The following PCSK5 variants were observed in gnomAD, a reference collection of about 807,000 sequenced individuals.
PCSK5 encodes the protein proprotein convertase subtilisin/kexin type 5.
In PCSK5, 129 loss-of-function variants were observed where a neutral mutation model predicts 233.2. The observed-to-expected ratio is 0.55, with a 90% confidence interval of 0.48 to 0.64. PCSK5 has a LOEUF of 0.64. Among genes scored for constraint, PCSK5 ranks in the 30% least tolerant of loss-of-function variants. The pLI is 0.00. For synonymous variants in PCSK5, 825 were observed against 879.2 expected (o/e 0.94, Z 1.09); for missense variants, 2,076 against 2,430.1 (o/e 0.85, Z 3.06).
At chr9:76,261,242 C>T (rs372324365) in intron 24 of PCSK5, among the ~76,000 whole-genome samples, 1 of 152,268 alleles carries the variant, frequency 6.6e-6, no homozygotes, top group Non-Finnish European at 1.5e-5. Context: ...CTTGAGTTTA[C>T]ACATGAGGAA....
intron 15 of PCSK5, among the ~76,000 whole-genome samples, 176 bp from the exon 16 acceptor site, chr9:76,181,222 C>T (rs1823857306): frequency 6.6e-6 from 1 of 152,138 alleles, no homozygotes; most frequent in African/African-American, 2.4e-5. Flanking sequence ...GCTACTTCAG[C>T]ACACTGTGCA....
chr9:76,105,871 A>G (rs1451389490), intron 8 of PCSK5, among the ~76,000 whole-genome samples: 2 of 152,236 alleles, frequency 1.3e-5, no homozygotes, highest in East Asian at 3.8e-4. Flanking sequence ...GTAAGAACTT[A>G]TGGTCTCATG....
chr9:75,903,242 A>T (rs1826118166), intron 1 of PCSK5, among the ~76,000 whole-genome samples: 1 of 152,186 alleles, frequency 6.6e-6, no homozygotes, highest in Non-Finnish European at 1.5e-5. Context: ...AAAATTATTT[A>T]TAGATTGCTC....
chr9:75,998,305 G>C (rs1334801643), intron 3 of PCSK5, among the ~76,000 whole-genome samples: 2 of 151,892 alleles, frequency 1.3e-5, no homozygotes, highest in Admixed American at 1.3e-4. Flanking sequence ...ACTGTGCTCT[G>C]TGTCCCAGGC....
chr9:76,357,162 A>G (rs577245039), intron 37 of PCSK5, among the ~76,000 whole-genome samples: 2 of 152,314 alleles, frequency 1.3e-5, no homozygotes, highest in Admixed American at 1.3e-4. Flanking sequence ...TGTTTTGGTT[A>G]CTCCATATTC....
At position 76,158,994 on chromosome 9, in the gene PCSK5, C is replaced by T. The variant is rs1408720941; in HGVS notation, c.1442C>T (p.Pro481Leu). 1 of 1,613,938 alleles carries T rather than the reference C, an allele frequency of 6.2e-7. No individual in the cohort carries two copies. Among genetic ancestry groups the T allele is most frequent in the Non-Finnish European group, 8.5e-7 (1 of 1,179,838 alleles). Residue 481 changes from proline (P) to leucine (L), a missense_variant, in exon 12 of 38, where the codon CCT becomes CTT. Pro to Leu is a moderately conservative substitution (Grantham distance 98). Around this residue, in one of 6 missense-constraint regions of PCSK5, gnomAD observed 64 missense variants for 68.6 expected, o/e 0.93. Transcript: ENST00000674117. The stretch of plus-strand genomic sequence containing the variant: ...TCTCTCTGTTACAGGACAATCCGCC[C>T]TAACAGTGCAGTGCGCTCCATCTAC... ...STDRQIKTIR[P>L]NSAVRSIYKA...
At chr9:75,991,145 T>G (rs1826751916) in intron 3 of PCSK5, among the ~76,000 whole-genome samples, 1 of 152,250 alleles carries the variant, frequency 6.6e-6, no homozygotes, top group East Asian at 1.9e-4. Flanking sequence ...CAGCCCAAAG[T>G]CACACCATTT....
chr9:75,963,676 C>T (rs530399082), intron 2 of PCSK5, among the ~76,000 whole-genome samples: 55 of 152,282 alleles, frequency 3.6e-4, no homozygotes, highest in African/African-American at 1.1e-3. Flanking sequence ...GTTAGGAGTT[C>T]GAGATCAGCC....
chr9:76,236,395 C>A (rs1199574137), intron 22 of PCSK5, among the ~76,000 whole-genome samples: 3 of 152,146 alleles, frequency 2.0e-5, no homozygotes, highest in African/African-American at 7.2e-5. Flanking sequence ...AAAAGCCAAT[C>A]CAAACTCTTG....
intron 14 of PCSK5, among the ~76,000 whole-genome samples, chr9:76,178,375 A>T (rs2131208373): frequency 6.6e-6 from 1 of 152,282 alleles, no homozygotes; most frequent in South Asian, 2.1e-4. Context: ...CTAGTACGTG[A>T]TTTGCTACAT....
intron 2 of PCSK5, among the ~76,000 whole-genome samples, chr9:75,957,868 TG>T (rs1256799335): frequency 1.3e-5 from 2 of 152,248 alleles, no homozygotes; most frequent in African/African-American, 4.8e-5. Context: ...AGTGGTTGTA[TG>T]GTGTGACTGT....
chr9:76,069,320 A>G (rs927056330), intron 6 of PCSK5, among the ~76,000 whole-genome samples: 1 of 152,154 alleles, frequency 6.6e-6, no homozygotes, highest in African/African-American at 2.4e-5. Flanking sequence ...AGTTTCTCGC[A>G]TACACAGACA....
intron 2 of PCSK5, among the ~76,000 whole-genome samples, chr9:75,965,639 A>G (rs1825551103): frequency 6.6e-6 from 1 of 152,190 alleles, no homozygotes; most frequent in Admixed American, 6.5e-5. Flanking sequence ...TGCTGATCCT[A>G]TCCAGAAACA....
At chr9:76,322,813 G>A (rs941901451) in intron 31 of PCSK5, among the ~76,000 whole-genome samples, 5 of 152,150 alleles carry the variant, frequency 3.3e-5, no homozygotes, top group Non-Finnish European at 7.3e-5. Flanking sequence ...ACCTCCAAAG[G>A]GCAGACCATT....
chr9:76,330,218 G>A (rs1052713691), intron 33 of PCSK5, among the ~76,000 whole-genome samples: 1 of 152,116 alleles, frequency 6.6e-6, no homozygotes, highest in African/African-American at 2.4e-5. Flanking sequence ...GGTTGGCCAC[G>A]GTCCCACAGA....
Position 76,352,748 on chromosome 9 carries a change from AT to A in PCSK5, c.5068-1284del, listed in dbSNP as rs1313695452. Among the ~76,000 whole-genome samples, 4 of 152,288 alleles carry A rather than the reference AT, an allele frequency of 2.6e-5. No individual in the cohort carries two copies. In the East Asian group the frequency reaches 7.7e-4, roughly 29 times the overall value. On this transcript the variant is annotated intron_variant, in intron 36 of 37. Coordinates refer to ENST00000674117, the MANE Select transcript of PCSK5 (RefSeq NM_001372043.1). ...CATGATGAAATTAACACAAACTAAC[AT>A]ATTTACATATGAGCACTCTTTAAAT...
At chr9:76,016,418 A>G (rs1035333758) in intron 3 of PCSK5, among the ~76,000 whole-genome samples, 1 of 152,238 alleles carries the variant, frequency 6.6e-6, no homozygotes, top group African/African-American at 2.4e-5. Flanking sequence ...GATGGAGGCA[A>G]TGGTTTCAGA....
At chr9:76,205,814 A>G (rs1349912987) in intron 20 of PCSK5, among the ~76,000 whole-genome samples, 1 of 152,074 alleles carries the variant, frequency 6.6e-6, no homozygotes, top group Non-Finnish European at 1.5e-5. Flanking sequence ...AGAATTTCTG[A>G]CTCTGTGCTG....
chr9:76,093,354 C>T (rs527829146), intron 7 of PCSK5, among the ~76,000 whole-genome samples: 15 of 152,028 alleles, frequency 9.9e-5, no homozygotes, highest in Admixed American at 2.6e-4. Context: ...CTTGGCCTCC[C>T]GAAGGACTAG....
Sources: allele counts gnomAD v4.1 joint callset (sites outside exome capture counted in the v4.1 genomes callset), GRCh38; gene constraint gnomAD v4.1.1; regional missense constraint gnomAD v4.1.1; transcripts MANE v1.5; gene names NCBI Gene and HGNC (gene_info 2026-07-23, HGNC 2026-07-21).